Variants in SHROOM3 observed in about 807,000 individuals in gnomAD.
SHROOM3 encodes shroom family member 3, also known as protein Shroom3.
A neutral mutation model predicts 138.6 loss-of-function variants in SHROOM3; 47 were observed. The observed-to-expected ratio is 0.34, with a 90% CI of 0.27 to 0.43. The LOEUF (loss-of-function observed/expected upper bound fraction) is 0.43. Among genes scored for constraint, SHROOM3 ranks in the 20% least tolerant of loss-of-function variants. The probability of loss-of-function intolerance (pLI) is 1.00; values close to 1 mark genes in which losing one functional copy is unlikely to be tolerated. For synonymous variants in SHROOM3, 1,062 were observed against 1,063.3 expected, an observed-to-expected ratio of 1.00 and a Z score of 0.02; for missense variants, 2,491 against 2,596.5, an observed-to-expected ratio of 0.96 and a Z score of 0.88.
chr4:76,495,181 G>C (rs1461564041), intron 1 of SHROOM3, among the ~76,000 whole-genome samples: 1 of 152,228 alleles, frequency 6.6e-6, no homozygotes, highest in African/African-American at 2.4e-5. Flanking sequence ...GTAGACGCAG[G>C]AGATTGTAAG....
Position 76,458,953 on chromosome 4 carries a change from T to C in SHROOM3, c.168+22733T>C, listed in dbSNP as rs566842680. On this transcript the variant is annotated intron_variant, in intron 1 of 10. Transcript: ENST00000296043. ...AACTGGTTTTAGGTCCAGCTCCCTG[T>C]GAAAGTTGAGTTAAGCTAAAGAGCA... 1.1e-4 allele frequency among the ~76,000 whole-genome samples: 16 copies of C among 152,256 alleles called. No individual in the cohort carries two copies. In the South Asian group the frequency reaches 3.3e-3, roughly 32 times the overall value.
At chr4:76,657,640 G>C (rs1054869620) in intron 2 of SHROOM3, among the ~76,000 whole-genome samples, 1 of 152,164 alleles carries the variant, frequency 6.6e-6, no homozygotes, top group Admixed American at 6.5e-5. Context: ...GGGGTGGGGG[G>C]GTCCCCTTGG....
intron 9 of SHROOM3, among the ~76,000 whole-genome samples, chr4:76,765,517 G>C (rs767943513): frequency 6.6e-6 from 1 of 152,070 alleles, no homozygotes; most frequent in Non-Finnish European, 1.5e-5. Flanking sequence ...TCTCGTCCTA[G>C]TTTTTACAAG....
chr4:76,521,351 A>C (rs10002311), intron 1 of SHROOM3, among the ~76,000 whole-genome samples: 26,922 of 152,196 alleles, frequency 0.18, 2,451 homozygotes, highest in East Asian at 0.3. Context: ...GACAATTTTC[A>C]GAATTATTTT....
Position 76,741,699 on chromosome 4 carries a change from G to T in SHROOM3, c.3526G>T (p.Gly1176Cys), listed in dbSNP as rs1010953009. 1.9e-6 allele frequency: 3 copies of T among 1,552,128 alleles called. No homozygotes were observed. Among genetic ancestry groups the T allele is most frequent in the African/African-American group, 2.7e-5 (2 of 73,378 alleles). ...CCGAGATCGCAGCAGCTCCTTCGCCGGTGGCCGCCGCCTCGGGGAACGGCG... is the reference window on the plus strand; with the variant it reads ...CCGAGATCGCAGCAGCTCCTTCGCCTGTGGCCGCCGCCTCGGGGAACGGCG... Reference protein sequence around the residue: ...APRDRSSSFAGGRRLGERRRG... With the variant: ...APRDRSSSFACGRRLGERRRG... Residue 1176 changes from glycine (G) to cysteine (C), a missense_variant, in exon 5 of 11, where the codon GGT becomes TGT. Transcript: ENST00000296043. The surrounding 1 kb of genome is among the most constrained non-coding windows in gnomAD (Gnocchi z 6.2).
intron 2 of SHROOM3, among the ~76,000 whole-genome samples, chr4:76,621,987 C>T (rs574990093): frequency 2.6e-5 from 4 of 151,972 alleles, no homozygotes; most frequent in Non-Finnish European, 5.9e-5. Flanking sequence ...CCTGCTACCA[C>T]GCCTGGCTAA....
intron 10 of SHROOM3, among the ~76,000 whole-genome samples, chr4:76,773,727 C>A (rs924455625): frequency 5.3e-5 from 8 of 152,182 alleles, no homozygotes; most frequent in Admixed American, 3.9e-4. Flanking sequence ...TTCGCACTCT[C>A]CAGTCTCTTT....
intron 2 of SHROOM3, among the ~76,000 whole-genome samples, chr4:76,562,086 A>C (rs557795371): frequency 6.6e-6 from 1 of 152,336 alleles, no homozygotes; most frequent in East Asian, 1.9e-4. Flanking sequence ...CTAAGAAAAC[A>C]TTTTGAATGA....
At chr4:76,482,164 G>T (rs1407608140) in intron 1 of SHROOM3, among the ~76,000 whole-genome samples, 2 of 152,076 alleles carry the variant, frequency 1.3e-5, no homozygotes, top group African/African-American at 4.8e-5. Context: ...GGGCAATCAG[G>T]CAAGAGAAAG....
At chr4:76,597,822 A>G (rs1442118331) in intron 2 of SHROOM3, among the ~76,000 whole-genome samples, 1 of 152,194 alleles carries the variant, frequency 6.6e-6, no homozygotes, top group African/African-American at 2.4e-5. Context: ...TGAGTGTGGG[A>G]GAACCAAAAG....
chr4:76,655,387 A>T (rs534493999), intron 2 of SHROOM3, among the ~76,000 whole-genome samples: 1 of 152,350 alleles, frequency 6.6e-6, no homozygotes, highest in Non-Finnish European at 1.5e-5. Context: ...CATTTTTAGC[A>T]TCACCATTAC....
At chr4:76,459,603 C>G (rs1206098522) in intron 1 of SHROOM3, among the ~76,000 whole-genome samples, 3 of 152,240 alleles carry the variant, frequency 2.0e-5, no homozygotes, top group East Asian at 3.9e-4. Flanking sequence ...CTCGCACAGC[C>G]AGATATGGCG....
intron 2 of SHROOM3, among the ~76,000 whole-genome samples, chr4:76,596,946 C>T (rs771873396): frequency 2.0e-5 from 3 of 152,164 alleles, no homozygotes; most frequent in Non-Finnish European, 4.4e-5. Context: ...AGCACCAGGT[C>T]GCACCAGCCG....
chr4:76,782,866 A>G lies in SHROOM3; in HGVS notation c.*3689A>G, dbSNP rs568303318. The G allele has an allele frequency of 1.4e-4, 22 of 152,332 alleles. No individual in the cohort carries two copies. Among genetic ancestry groups the G allele is most frequent in the African/African-American group, 4.6e-4 (19 of 41,580 alleles). 9.4% of individuals were successfully genotyped at this position (152,332 alleles called of 1,614,324 possible). A position where few individuals can be genotyped will look rare whatever the true frequency, so the allele number is the denominator to read the frequency against. On this transcript the variant is annotated 3_prime_UTR_variant, in exon 11 of 11. Coordinates refer to ENST00000296043, the MANE Select transcript of SHROOM3 (RefSeq NM_020859.4). The stretch of plus-strand genomic sequence containing the variant: ...TTTGGGATGCATAGGATAAAATGAT[A>G]AAGACCATTTTAATATCAGAAAGGG...
intron 2 of SHROOM3, among the ~76,000 whole-genome samples, chr4:76,591,564 A>G (rs1734273111): frequency 6.6e-6 from 1 of 152,188 alleles, no homozygotes; most frequent in Middle Eastern, 3.2e-3. Flanking sequence ...ACTTCTTTAT[A>G]TTCTTGATTG....
At chr4:76,669,075 G>A (rs1718803462) in intron 2 of SHROOM3, among the ~76,000 whole-genome samples, 1 of 152,126 alleles carries the variant, frequency 6.6e-6, no homozygotes, top group Admixed American at 6.5e-5. Flanking sequence ...GTGTGAAAAT[G>A]CCCCCTTTCT....
At chr4:76,624,638 C>T (rs1342296515) in intron 2 of SHROOM3, among the ~76,000 whole-genome samples, 2 of 152,082 alleles carry the variant, frequency 1.3e-5, no homozygotes, top group African/African-American at 4.8e-5. Context: ...GAGTGGTTAT[C>T]GTGGTGTTTT....
At chr4:76,669,733 G>A (rs959643791) in intron 2 of SHROOM3, among the ~76,000 whole-genome samples, 1 of 152,142 alleles carries the variant, frequency 6.6e-6, no homozygotes, top group Non-Finnish European at 1.5e-5. Context: ...GATGTTACAT[G>A]AATTTCTCTT....
chr4:76,704,071 G>A (rs1719979279), intron 2 of SHROOM3, among the ~76,000 whole-genome samples: 1 of 152,216 alleles, frequency 6.6e-6, no homozygotes, highest in Admixed American at 6.5e-5. Context: ...CTCAGAGCCT[G>A]ATCTAGAAAG....
Sources: allele counts gnomAD v4.1 joint callset (sites outside exome capture counted in the v4.1 genomes callset), GRCh38; gene constraint gnomAD v4.1.1; non-coding constraint Gnocchi (gnomAD v3.1); transcripts MANE v1.5; gene names NCBI Gene and HGNC (gene_info 2026-07-23, HGNC 2026-07-21).